PTPRN2: variants seen among roughly 807,000 people sequenced by gnomAD.
PTPRN2 encodes protein tyrosine phosphatase receptor type N2.
PTPRN2 carries 74 observed loss-of-function variants against 118.8 expected under a neutral mutation model. That is an observed-to-expected ratio of 0.62 (90% CI 0.52 to 0.76). The LOEUF is 0.76. PTPRN2 is among the 30% of genes least tolerant of loss of function. The pLI is 0.00. For missense variants in PTPRN2, 1,481 were observed against 1,394.4 expected, an observed-to-expected ratio of 1.06 and a Z score of -0.99; for synonymous variants, 641 against 608.0, an observed-to-expected ratio of 1.05 and a Z score of -0.80.
rs568896569 is a variant in PTPRN2, at chr7:158,062,064, G to A, written c.1723+19234C>T. On this transcript the variant is annotated intron_variant, in intron 11 of 22. Transcript: ENST00000389418. ...GGGTGAGCATCTCGCACCTTGGTGC[G>A]GAAGCCCAGAGCCCACGCTGACTTC... 1.4e-4 allele frequency among the ~76,000 whole-genome samples: 22 copies of A among 152,368 alleles called. No homozygotes were observed. In the South Asian group the frequency reaches 3.1e-3, roughly 21 times the overall value.
At position 157,964,523 on chromosome 7, in the gene PTPRN2, A is replaced by C. The variant is rs1383274603; in HGVS notation, c.1724-65786T>G. On this transcript the variant is annotated intron_variant, in intron 11 of 22. Transcript: ENST00000389418. The surrounding 1 kb of genome is among the most constrained non-coding windows in gnomAD (Gnocchi z 9.0). ...AGGGGAATTCATCCATTTGAGGTTA[A>C]ATGTTTGCCAATCTAATTTGGTCAA... Among the ~76,000 whole-genome samples, 1 of 152,166 alleles carries C rather than the reference A, an allele frequency of 6.6e-6. No individual in the cohort carries two copies. The highest frequency in any genetic ancestry group is 1.5e-5 in the Non-Finnish European group (1 of 68,034).
intron 2 of PTPRN2, among the ~76,000 whole-genome samples, chr7:158,337,444 A>G (rs62481681): frequency 0.9 from 99,826 of 111,180 alleles, 44,395 homozygotes; most frequent in Non-Finnish European, 0.94. Flanking sequence ...GGTGACACCC[A>G]CAGACGTCAC....
chr7:158,536,702 C>A (rs1483054184), intron 1 of PTPRN2, among the ~76,000 whole-genome samples: 1 of 151,484 alleles, frequency 6.6e-6, no homozygotes, highest in Non-Finnish European at 1.5e-5. Flanking sequence ...GCCTTCCCAG[C>A]CCACCATTGA....
intron 12 of PTPRN2, among the ~76,000 whole-genome samples, chr7:157,728,101 G>A (rs950509034): frequency 2.6e-5 from 4 of 152,158 alleles, no homozygotes; most frequent in Non-Finnish European, 5.9e-5. Context: ...GGTACCCAGC[G>A]AGGGTCTGGC....
chr7:158,161,168 T>C (rs1428586007), intron 6 of PTPRN2, among the ~76,000 whole-genome samples: 2 of 152,210 alleles, frequency 1.3e-5, no homozygotes, highest in Non-Finnish European at 1.5e-5. Flanking sequence ...ATGGATTTAA[T>C]GAAATCCCAG....
At chr7:158,154,278 C>G (rs990344059) in intron 6 of PTPRN2, among the ~76,000 whole-genome samples, 1 of 152,208 alleles carries the variant, frequency 6.6e-6, no homozygotes, top group South Asian at 2.1e-4. Context: ...CTCGGGGAAA[C>G]CCATCCAGCC....
At chr7:158,387,511 T>TCAGC (rs1811504207) in intron 2 of PTPRN2, among the ~76,000 whole-genome samples, 1 of 1,264 alleles carries the variant, frequency 7.9e-4, no homozygotes. Flanking sequence ...GGTTACGATG[T>TCAGC]TGGAAAGCAC....
intron 2 of PTPRN2, among the ~76,000 whole-genome samples, chr7:158,455,275 C>A (rs111520747): frequency 6.5e-5 from 7 of 107,336 alleles, no homozygotes; most frequent in African/African-American, 1.1e-4. Flanking sequence ...GCCACGGCCA[C>A]CCATCGCTCT....
At position 158,119,477 on chromosome 7, in the gene PTPRN2, C is replaced by T. The variant is rs1816976016; in HGVS notation, c.1557-8562G>A. Among the ~76,000 whole-genome samples the T allele has an allele frequency of 2.0e-5, 3 of 152,000 alleles. No homozygotes were observed. The South Asian group carries it at 6.2e-4, about 32-fold the overall frequency. On this transcript the variant is annotated intron_variant, in intron 9 of 22. Transcript: ENST00000389418. ...AGTGTGGAAGAGTATGGAGACTCCT[C>T]AAAAAAATGAAAAATAGAATTGCAC...
chr7:158,068,555 C>G (rs1810966639), intron 11 of PTPRN2, among the ~76,000 whole-genome samples: 1 of 152,240 alleles, frequency 6.6e-6, no homozygotes, highest in South Asian at 2.1e-4. Context: ...CATCATCAAA[C>G]CCCGCAAACC....
At chr7:158,312,955 TGC>T (rs1296221533) in intron 3 of PTPRN2, among the ~76,000 whole-genome samples, 1 of 151,210 alleles carries the variant, frequency 6.6e-6, no homozygotes, top group African/African-American at 2.4e-5. Context: ...CAGGGGTGTG[TGC>T]GTGTGTGCAT....
At chr7:158,341,378 C>A (rs1400619076) in intron 2 of PTPRN2, among the ~76,000 whole-genome samples, 15 of 150,792 alleles carry the variant, frequency 9.9e-5, no homozygotes, top group Non-Finnish European at 1.9e-4. Context: ...ACGTCACTCA[C>A]ACCCACACTC....
At chr7:158,318,060 G>A (rs35643059) in intron 2 of PTPRN2, among the ~76,000 whole-genome samples, 275 of 152,212 alleles carry the variant, frequency 1.8e-3, no homozygotes, top group Non-Finnish European at 3.3e-3. Flanking sequence ...CAGCCCGGCC[G>A]CGCCGCCTCC....
chr7:158,395,136 T>G (rs972153447), intron 2 of PTPRN2, among the ~76,000 whole-genome samples: 9 of 151,966 alleles, frequency 5.9e-5, no homozygotes, highest in African/African-American at 2.2e-4. Flanking sequence ...CTGGGTGGTC[T>G]GCAAGGTTCA....
chr7:158,033,080 T>C (rs1807804456), intron 11 of PTPRN2, among the ~76,000 whole-genome samples: 2 of 152,110 alleles, frequency 1.3e-5, no homozygotes, highest in Non-Finnish European at 2.9e-5. Context: ...AAGAATTTGC[T>C]CTGGAGTCAG....
chr7:158,266,507 C>T (rs904489526), intron 3 of PTPRN2, among the ~76,000 whole-genome samples: 2 of 151,998 alleles, frequency 1.3e-5, no homozygotes, highest in African/African-American at 4.8e-5. Context: ...TGATGTCTGG[C>T]AGTGAGGCTG....
chr7:157,896,582 G>A (rs555158798), intron 12 of PTPRN2, among the ~76,000 whole-genome samples: 21 of 150,854 alleles, frequency 1.4e-4, no homozygotes, highest in African/African-American at 5.1e-4. Flanking sequence ...TGCGTGGGAA[G>A]GAGCTCCGTT....
chr7:158,369,601 G>A (rs977999355), intron 2 of PTPRN2, among the ~76,000 whole-genome samples: 8 of 152,002 alleles, frequency 5.3e-5, no homozygotes, highest in Non-Finnish European at 1.0e-4. Flanking sequence ...TCTGTTTATT[G>A]GTAAATATCA....
At chr7:158,430,937 AAGCAGACATGTTTGAGCAGAACCAG>A (rs932487146) in intron 2 of PTPRN2, among the ~76,000 whole-genome samples, 15 of 152,286 alleles carry the variant, frequency 9.8e-5, no homozygotes, top group East Asian at 3.9e-4. Flanking sequence ...CGTGGAACCA[AAGCAGACATGTTTGAGCAGAACCAG>A]AGCAGACATG....
Sources: allele counts gnomAD v4.1 joint callset (sites outside exome capture counted in the v4.1 genomes callset), GRCh38; gene constraint gnomAD v4.1.1; non-coding constraint Gnocchi (gnomAD v3.1); transcripts MANE v1.5; gene names NCBI Gene and HGNC (gene_info 2026-07-23, HGNC 2026-07-21).